AGBL4: variants seen among roughly 807,000 people sequenced by gnomAD.
AGBL4 encodes AGBL carboxypeptidase 4, also known as cytosolic carboxypeptidase 6.
Under a neutral mutation model 66.4 loss-of-function variants are expected in AGBL4, and 58 were observed. That is an observed-to-expected ratio of 0.87 (90% CI 0.71 to 1.09). The LOEUF (loss-of-function observed/expected upper bound fraction) is 1.09, where lower values mean the gene tolerates loss of function less well. Ranked by LOEUF, AGBL4 falls within the 50% of genes least tolerant of loss-of-function variation. The pLI is 0.00. For synonymous variants in AGBL4, 234 were observed against 222.9 expected (o/e 1.05, Z -0.44); for missense variants, 579 against 631.0 (o/e 0.92, Z 0.88).
intron 3 of AGBL4, among the ~76,000 whole-genome samples, chr1:49,578,124 C>T (rs1315404413): frequency 6.6e-6 from 1 of 152,172 alleles, no homozygotes; most frequent in Non-Finnish European, 1.5e-5. Flanking sequence ...AAGATTGCCA[C>T]CTGGATACTT....
At chr1:49,379,204 G>T (rs543086439) in intron 3 of AGBL4, among the ~76,000 whole-genome samples, 4 of 152,098 alleles carry the variant, frequency 2.6e-5, no homozygotes, top group Non-Finnish European at 5.9e-5. Flanking sequence ...CTGCCTTGAT[G>T]ATGTCATCCC....
intron 5 of AGBL4, among the ~76,000 whole-genome samples, chr1:48,941,644 A>G (rs1655984220): frequency 6.6e-6 from 1 of 152,200 alleles, no homozygotes; most frequent in African/African-American, 2.4e-5. Context: ...TATGACAGGT[A>G]AGGGTACAGT....
rs533131366 is a variant in AGBL4 at position 49,107,462 on chromosome 1, G to A, written c.378-61662C>T. Among the ~76,000 whole-genome samples, 6 of 152,244 alleles carry A rather than the reference G, an allele frequency of 3.9e-5. No individual in the cohort carries two copies. In the East Asian group the frequency reaches 1.2e-3, roughly 29 times the overall value. ...ATCTGTACAAGGATTAGGATATGGAGAAGATGAAGCCCAAAATAATATAAA... is the reference window on the plus strand; with the variant it reads ...ATCTGTACAAGGATTAGGATATGGAAAAGATGAAGCCCAAAATAATATAAA... On this transcript the variant is annotated intron_variant, in intron 4 of 13. Transcript: ENST00000371839.
At chr1:49,581,646 A>G (rs1284131846) in intron 3 of AGBL4, among the ~76,000 whole-genome samples, 1 of 152,130 alleles carries the variant, frequency 6.6e-6, no homozygotes. Flanking sequence ...GTGTTAGGGC[A>G]TGGTTATTGA....
chr1:49,470,921 T>C (rs1646729773), intron 3 of AGBL4, among the ~76,000 whole-genome samples: 1 of 152,058 alleles, frequency 6.6e-6, no homozygotes, highest in Non-Finnish European at 1.5e-5. Context: ...ACCGGCTCAC[T>C]CTTAAATTCC....
intron 6 of AGBL4, among the ~76,000 whole-genome samples, chr1:48,703,376 C>A (rs1008229648): frequency 3.3e-5 from 5 of 151,864 alleles, no homozygotes; most frequent in Admixed American, 6.6e-5. Context: ...GTGATGAGGA[C>A]AAATTTGAGC....
At chr1:49,284,407 A>T (rs1049316310) in intron 3 of AGBL4, among the ~76,000 whole-genome samples, 32 of 152,204 alleles carry the variant, frequency 2.1e-4, no homozygotes, top group African/African-American at 7.7e-4. Flanking sequence ...GGTACCAGCC[A>T]CTGCAAAATC....
intron 5 of AGBL4, among the ~76,000 whole-genome samples, chr1:48,895,525 C>T (rs772825496): frequency 4.6e-5 from 7 of 152,208 alleles, no homozygotes; most frequent in Non-Finnish European, 8.8e-5. Context: ...CCCTAATGAG[C>T]GATGACGATG....
At chr1:49,371,101 C>G (rs915899046) in intron 3 of AGBL4, among the ~76,000 whole-genome samples, 2 of 152,174 alleles carry the variant, frequency 1.3e-5, no homozygotes, top group African/African-American at 2.4e-5. Context: ...CCCTGGGCAC[C>G]CAGGCTACTG....
At chr1:49,662,156 C>T (rs967318272) in intron 3 of AGBL4, among the ~76,000 whole-genome samples, 1 of 150,948 alleles carries the variant, frequency 6.6e-6, no homozygotes, top group Non-Finnish European at 1.5e-5. Context: ...AACTTTTGGG[C>T]TAATGAATAT....
intron 5 of AGBL4, among the ~76,000 whole-genome samples, chr1:48,927,284 A>G (rs1292056841): frequency 6.6e-6 from 1 of 152,180 alleles, no homozygotes; most frequent in Non-Finnish European, 1.5e-5. Flanking sequence ...AAGGCAAAGG[A>G]GGAGCAAAGT....
chr1:49,615,401 T>A (rs1323842891), intron 3 of AGBL4, among the ~76,000 whole-genome samples: 3 of 152,114 alleles, frequency 2.0e-5, no homozygotes, highest in African/African-American at 7.2e-5. Context: ...GATCCAAATT[T>A]TCCAAAAGGT....
intron 3 of AGBL4, among the ~76,000 whole-genome samples, chr1:49,495,046 G>T (rs1214685483): frequency 6.6e-6 from 1 of 151,960 alleles, no homozygotes; most frequent in Non-Finnish European, 1.5e-5. Context: ...TACTTAATTA[G>T]AGTTCTATTG....
At chr1:49,683,564 T>C (rs2124568739) in intron 3 of AGBL4, among the ~76,000 whole-genome samples, 1 of 152,214 alleles carries the variant, frequency 6.6e-6, no homozygotes, top group Non-Finnish European at 1.5e-5. Flanking sequence ...ACACATCAAG[T>C]GTAACATCAT....
At chr1:48,821,840 AAAT>A (rs1329327244) in intron 6 of AGBL4, among the ~76,000 whole-genome samples, 1 of 152,222 alleles carries the variant, frequency 6.6e-6, no homozygotes, top group African/African-American at 2.4e-5. Flanking sequence ...TTTATATCCA[AAAT>A]ATATTAAGAA....
chr1:48,996,845 T>TCCTC (rs1455785506), intron 5 of AGBL4, among the ~76,000 whole-genome samples: 1 of 151,854 alleles, frequency 6.6e-6, no homozygotes, highest in Admixed American at 6.6e-5. Context: ...CTTCCTTCCT[T>TCCTC]CCTTCCTTCC....
intron 4 of AGBL4, among the ~76,000 whole-genome samples, chr1:49,059,345 T>C (rs1644361495): frequency 6.6e-6 from 1 of 152,198 alleles, no homozygotes; most frequent in South Asian, 2.1e-4. Context: ...CCATGTGGTG[T>C]TGGGCCTATG....
chr1:49,935,368 T>G (rs1429280704), intron 1 of AGBL4, among the ~76,000 whole-genome samples: 2 of 152,308 alleles, frequency 1.3e-5, no homozygotes, highest in East Asian at 1.9e-4. Flanking sequence ...AGCTCAAGGT[T>G]GCCTGCCTGC....
intron 6 of AGBL4, chr1:48,776,549 T>C (rs1645096761): frequency 4.4e-5 from 31 of 701,544 alleles, no homozygotes; most frequent in East Asian, 6.3e-5. Context: ...CCCCGGCCCC[T>C]CCCGGGGTCC....
Sources: gnomAD v4.1 joint callset for allele counts (sites outside exome capture counted in the v4.1 genomes callset) on GRCh38, gnomAD v4.1.1 for gene constraint, MANE v1.5 for transcripts, NCBI Gene and HGNC (gene_info 2026-07-23, HGNC 2026-07-21) for gene names.